The following HS6ST3 variants were observed in gnomAD, a reference collection of about 807,000 sequenced individuals.
HS6ST3 encodes heparan-sulfate 6-O-sulfotransferase 3.
Under a neutral mutation model 36.7 loss-of-function variants are expected in HS6ST3, and 12 were observed. The ratio of observed to expected loss-of-function variants is 0.33; its 90% CI spans 0.21 to 0.53. HS6ST3 has a LOEUF of 0.53. Among genes scored for constraint, HS6ST3 ranks in the 20% least tolerant of loss-of-function variants. HS6ST3 has a pLI of 0.95. For missense variants in HS6ST3, 584 were observed against 640.9 expected, an observed-to-expected ratio of 0.91 and a Z score of 0.96; for synonymous variants, 240 against 257.5, an observed-to-expected ratio of 0.93 and a Z score of 0.65.
At chr13:96,428,287 A>G (rs1257191477) in intron 1 of HS6ST3, among the ~76,000 whole-genome samples, 2 of 152,204 alleles carry the variant, frequency 1.3e-5, no homozygotes, top group African/African-American at 4.8e-5. Context: ...TCGGAGGTGC[A>G]GTGAGCTTAG....
chr13:96,466,040 T>G (rs2055811921), intron 1 of HS6ST3, among the ~76,000 whole-genome samples: 1 of 151,966 alleles, frequency 6.6e-6, no homozygotes, highest in Admixed American at 6.6e-5. Flanking sequence ...CCCAGCGCTT[T>G]AGGAGGCTGA....
chr13:96,446,698 T>C (rs746027799), intron 1 of HS6ST3, among the ~76,000 whole-genome samples: 27 of 152,144 alleles, frequency 1.8e-4, no homozygotes, highest in Non-Finnish European at 3.7e-4. Context: ...GTGAGATCCA[T>C]TGGCTAAAAG....
At position 96,694,012 on chromosome 13, in the gene HS6ST3, A is replaced by T. The variant is rs559596890; in HGVS notation, c.708-138478A>T. Among the ~76,000 whole-genome samples, 3 of 152,140 alleles carry T rather than the reference A, an allele frequency of 2.0e-5. 1 individual carries two copies. The highest frequency in any genetic ancestry group is 7.2e-5 in the African/African-American group (3 of 41,526). On this transcript the variant is annotated intron_variant, in intron 1 of 1. Transcript: ENST00000376705. ...ATCTTAGTTTCCCGTCTATAGTTTT[A>T]CTTCTTTTTTTAATTTTATTTTAAA...
chr13:96,793,243 A>T (rs1047316391), intron 1 of HS6ST3, among the ~76,000 whole-genome samples: 1 of 152,056 alleles, frequency 6.6e-6, no homozygotes. Context: ...GAACAGCTGC[A>T]CACAGAAGGA....
At chr13:96,159,942 T>C (rs1211005526) in intron 1 of HS6ST3, among the ~76,000 whole-genome samples, 2 of 152,126 alleles carry the variant, frequency 1.3e-5, no homozygotes, top group Non-Finnish European at 2.9e-5. Flanking sequence ...CTGCATGACT[T>C]TGGATGTATG....
chr13:96,578,088 T>A (rs1345016692), intron 1 of HS6ST3, among the ~76,000 whole-genome samples: 2 of 152,158 alleles, frequency 1.3e-5, no homozygotes, highest in African/African-American at 4.8e-5. Flanking sequence ...GACTCTGGTT[T>A]TTGGAGTGAA....
chr13:96,121,658 T>G (rs1377179185), intron 1 of HS6ST3, among the ~76,000 whole-genome samples: 1 of 152,196 alleles, frequency 6.6e-6, no homozygotes, highest in Non-Finnish European at 1.5e-5. Flanking sequence ...AAGTAGGACA[T>G]TACAGATCGT....
chr13:96,468,469 TACACACATACACACACAC>T (rs1275724908), intron 1 of HS6ST3, among the ~76,000 whole-genome samples: 7 of 46,254 alleles, frequency 1.5e-4, no homozygotes, highest in East Asian at 8.7e-4. Flanking sequence ...TAACAGGACA[TACACACATACACACACAC>T]ACACACACAC....
intron 1 of HS6ST3, among the ~76,000 whole-genome samples, chr13:96,501,172 C>G (rs2056002293): frequency 6.6e-6 from 1 of 152,116 alleles, no homozygotes; most frequent in Admixed American, 6.6e-5. Context: ...ATGTGTCTGG[C>G]TGATGAGATT....
At chr13:96,356,535 A>G (rs760434357) in intron 1 of HS6ST3, among the ~76,000 whole-genome samples, 29 of 152,202 alleles carry the variant, frequency 1.9e-4, no homozygotes, top group Non-Finnish European at 3.8e-4. Context: ...TCGGTGGACT[A>G]GGTGCATTGT....
chr13:96,731,773 T>C (rs1876160335), intron 1 of HS6ST3, among the ~76,000 whole-genome samples: 1 of 151,894 alleles, frequency 6.6e-6, no homozygotes, highest in African/African-American at 2.4e-5. Context: ...CTCTTGCCTC[T>C]GACTCCCTGG....
chr13:96,142,829 A>G (rs183057788), intron 1 of HS6ST3, among the ~76,000 whole-genome samples: 2 of 152,274 alleles, frequency 1.3e-5, no homozygotes, highest in East Asian at 3.9e-4. Flanking sequence ...CCTTCTACTT[A>G]TTAAAGTGAA....
chr13:96,775,367 A>C (rs1188602611), intron 1 of HS6ST3, among the ~76,000 whole-genome samples: 1 of 152,192 alleles, frequency 6.6e-6, no homozygotes, highest in Non-Finnish European at 1.5e-5. Flanking sequence ...TAAATGCCTC[A>C]AGTAAAAGAT....
At chr13:96,340,995 A>G (rs1277233150) in intron 1 of HS6ST3, among the ~76,000 whole-genome samples, 3 of 152,238 alleles carry the variant, frequency 2.0e-5, no homozygotes, top group Non-Finnish European at 4.4e-5. Flanking sequence ...TTTATTCCCA[A>G]GTAGTCTTCT....
chr13:96,221,605 C>T (rs2054455780), intron 1 of HS6ST3, among the ~76,000 whole-genome samples: 1 of 152,016 alleles, frequency 6.6e-6, no homozygotes, highest in Non-Finnish European at 1.5e-5. Context: ...AGTCTACTGA[C>T]CAAACAGTAG....
chr13:96,614,148 A>G (rs1022778476), intron 1 of HS6ST3, among the ~76,000 whole-genome samples: 1 of 151,684 alleles, frequency 6.6e-6, no homozygotes, highest in Non-Finnish European at 1.5e-5. Context: ...AATACAAAAA[A>G]TTAGCCGGGA....
intron 1 of HS6ST3, among the ~76,000 whole-genome samples, chr13:96,297,416 A>G (rs1482523463): frequency 2.0e-5 from 3 of 152,140 alleles, no homozygotes; most frequent in Non-Finnish European, 4.4e-5. Flanking sequence ...TATCAAAGTA[A>G]TTAAACCAAA....
At chr13:96,622,045 TC>T (rs1250561674) in intron 1 of HS6ST3, among the ~76,000 whole-genome samples, 1 of 152,096 alleles carries the variant, frequency 6.6e-6, no homozygotes, top group Admixed American at 6.6e-5. Flanking sequence ...GGATCTAAGG[TC>T]CTGTTTCCTT....
chr13:96,740,975 T>C (rs891597919), intron 1 of HS6ST3, among the ~76,000 whole-genome samples: 2 of 152,208 alleles, frequency 1.3e-5, no homozygotes, highest in Non-Finnish European at 2.9e-5. Context: ...GTAGCAGTTA[T>C]GATACTGCTA....
Sources: gnomAD v4.1 joint callset for allele counts (sites outside exome capture counted in the v4.1 genomes callset) on GRCh38, gnomAD v4.1.1 for gene constraint, MANE v1.5 for transcripts, NCBI Gene and HGNC (gene_info 2026-07-23, HGNC 2026-07-21) for gene names.